Variants in NCOR1 observed in about 807,000 individuals in gnomAD.
The protein encoded by NCOR1 is protein phosphatase 1, regulatory subunit 109.
A neutral mutation model predicts 288.1 loss-of-function variants in NCOR1; 63 were observed. The observed-to-expected ratio is 0.22, with a 90% CI of 0.18 to 0.27. NCOR1 has a LOEUF of 0.27. Ranked by LOEUF, NCOR1 falls within the 10% of genes least tolerant of loss-of-function variation. NCOR1 has a pLI of 1.00. For missense variants in NCOR1, 2,397 were observed against 3,019.2 expected (o/e 0.79, Z 4.83); for synonymous variants, 1,007 against 1,065.9 (o/e 0.94, Z 1.08).
Position 16,085,899 on chromosome 17 carries a change from ATTATAATACTAACCACCTACAAT to A in NCOR1, c.3177+360_3177+382del, listed in dbSNP as rs1179415607. Among the ~76,000 whole-genome samples, 7 of 152,356 alleles carry A rather than the reference ATTATAATACTAACCACCTACAAT, an allele frequency of 4.6e-5. No individual in the cohort carries two copies. The South Asian group carries it at 6.2e-4, about 14-fold the overall frequency. The stretch of plus-strand genomic sequence containing the variant: ...GATTTAGTGGCCAAAGTCAGAATAA[ATTATAATACTAACCACCTACAAT>A]TTAATATTTTGAGCCTTTACCATAT... On this transcript the variant is annotated intron_variant, in intron 23 of 45. Coordinates refer to ENST00000268712, the MANE Select transcript of NCOR1 (RefSeq NM_006311.4).
At chr17:16,172,147 A>T in intron 3 of NCOR1, 152 bp from the exon 4 acceptor site, 1 of 553,164 alleles carries the variant, frequency 1.8e-6, no homozygotes, top group African/African-American at 1.9e-5. Context: ...ACCCCCAAAG[A>T]ATATATACCT....
chr17:16,054,070 T>TAAAAAAAAAAAAAAAA (rs752015595), intron 40 of NCOR1, among the ~76,000 whole-genome samples: 1 of 72,110 alleles, frequency 1.4e-5, no homozygotes, highest in African/African-American at 4.3e-5. Flanking sequence ...GACTTAAATG[T>TAAAAAAAAAAAAAAAA]AAAAAAAAAA....
At chr17:16,202,214 A>G (rs1600499035) in intron 1 of NCOR1, among the ~76,000 whole-genome samples, 1 of 124,212 alleles carries the variant, frequency 8.1e-6, no homozygotes, top group South Asian at 2.5e-4. Context: ...AAAGGGCGAG[A>G]CTCCATCTCA....
At chr17:16,081,098 G>A (rs981705698) in intron 23 of NCOR1, among the ~76,000 whole-genome samples, 2 of 151,740 alleles carry the variant, frequency 1.3e-5, no homozygotes, top group Non-Finnish European at 2.9e-5. Flanking sequence ...ATACAGCAAA[G>A]TAATAAGGAC....
intron 19 of NCOR1, among the ~76,000 whole-genome samples, chr17:16,108,489 T>C (rs1169767552): frequency 6.6e-6 from 1 of 152,156 alleles, no homozygotes; most frequent in Non-Finnish European, 1.5e-5. Context: ...TAACCAACTA[T>C]ACTAACTGAA....
chr17:16,064,888 A>C lies in NCOR1; in HGVS notation c.5083T>G (p.Ser1695Ala). The change falls in exon 34 of 46, where the codon TCT becomes GCT. Residue 1695 changes from serine to alanine, a missense_variant. This residue lies in a region of NCOR1 where 1,872 missense variants were observed against 2,187.8 expected (regional missense o/e 0.86). Coordinates refer to ENST00000268712, the MANE Select transcript of NCOR1 (RefSeq NM_006311.4). Reference protein sequence around the residue: ...QITFPPRPYNSASMSPGHPTH... With the variant: ...QITFPPRPYNAASMSPGHPTH... Reference sequence around the variant, plus strand: ...ATCTCACCTGGAGACATGGAAGCAGAGTTGTACGGCCTGGGAGGGAAAGTA... The same window carrying C: ...ATCTCACCTGGAGACATGGAAGCAGCGTTGTACGGCCTGGGAGGGAAAGTA... 1 of 1,612,582 alleles carries C rather than the reference A, an allele frequency of 6.2e-7. No homozygotes were observed. Among genetic ancestry groups the C allele is most frequent in the South Asian group, 1.1e-5 (1 of 90,852 alleles).
At chr17:16,089,942 T>C (rs2064911257) in intron 22 of NCOR1, among the ~76,000 whole-genome samples, 1 of 152,146 alleles carries the variant, frequency 6.6e-6, no homozygotes, top group African/African-American at 2.4e-5. Context: ...AGCATCACCT[T>C]CGACCAAACT....
chr17:16,136,264 C>T (rs1040796819), intron 14 of NCOR1, among the ~76,000 whole-genome samples: 2 of 152,152 alleles, frequency 1.3e-5, no homozygotes, highest in African/African-American at 4.8e-5. Context: ...TGGCTCACTG[C>T]AGCCTCGACT....
chr17:16,164,535 A>C (rs576464882), intron 5 of NCOR1, among the ~76,000 whole-genome samples: 151 of 152,336 alleles, frequency 9.9e-4, no homozygotes, highest in Non-Finnish European at 7.1e-4. Context: ...GATATCAAGC[A>C]AAGGCAAAAA....
At chr17:16,033,725 C>CA (rs1973078774) in intron 45 of NCOR1, among the ~76,000 whole-genome samples, 1 of 152,110 alleles carries the variant, frequency 6.6e-6, no homozygotes, top group African/African-American at 2.4e-5. Context: ...CAAATAGGCA[C>CA]AAAATAGAAA....
chr17:16,143,590 AAATTT>A lies in NCOR1; in HGVS notation c.1173+11_1173+15del. 6.3e-7 allele frequency: 1 copy of A among 1,592,068 alleles called. No homozygotes were observed. Among genetic ancestry groups the A allele is most frequent in the African/African-American group, 1.3e-5 (1 of 74,586 alleles). ...AATAATTAACGAATTAACTTGAATT[AAATTT>A]ATTTTCTTACCTCCTGCTCAGAGAG... On this transcript the variant is annotated intron_variant, in intron 11 of 45. Coordinates refer to ENST00000268712, the MANE Select transcript of NCOR1 (RefSeq NM_006311.4).
intron 4 of NCOR1, among the ~76,000 whole-genome samples, chr17:16,170,589 C>G (rs2082952662): frequency 6.6e-6 from 1 of 152,002 alleles, no homozygotes; most frequent in Non-Finnish European, 1.5e-5. Context: ...AATCCCAGCA[C>G]TTTGGGAGGC....
chr17:16,046,739 A>T lies in NCOR1; in HGVS notation c.6679+212T>A, dbSNP rs577413754. Among the ~76,000 whole-genome samples the T allele has an allele frequency of 5.9e-5, 9 of 152,292 alleles. No homozygotes were observed. In the South Asian group the frequency reaches 1.2e-3, roughly 21 times the overall value. On this transcript the variant is annotated intron_variant, in intron 42 of 45. Transcript: ENST00000268712. Reference sequence around the variant, plus strand: ...AGACACAGCATTTCTTCAAAGAGAAACGGCACAGCTTCAGAAAGGAGCGAA... The same window carrying T: ...AGACACAGCATTTCTTCAAAGAGAATCGGCACAGCTTCAGAAAGGAGCGAA...
intron 30 of NCOR1, 121 bp from the exon 31 acceptor site, chr17:16,070,646 C>G: frequency 7.4e-7 from 1 of 1,348,302 alleles, no homozygotes; most frequent in East Asian, 2.3e-5. Context: ...GGTCTGTTTA[C>G]AAATCTCAAT....
chr17:16,184,620 G>A (rs1049427715), intron 3 of NCOR1, among the ~76,000 whole-genome samples: 3 of 152,140 alleles, frequency 2.0e-5, no homozygotes, highest in African/African-American at 7.2e-5. Context: ...TGGTGGTAAC[G>A]TAAATTAGTA....
At chr17:16,072,998 G>T (rs2061945573) in intron 28 of NCOR1, among the ~76,000 whole-genome samples, 1 of 152,180 alleles carries the variant, frequency 6.6e-6, no homozygotes, top group Non-Finnish European at 1.5e-5. Context: ...AGGCTCAAAG[G>T]AATTTTACCA....
intron 19 of NCOR1, among the ~76,000 whole-genome samples, chr17:16,105,603 G>C (rs2068457090): frequency 6.6e-6 from 1 of 152,116 alleles, no homozygotes; most frequent in Non-Finnish European, 1.5e-5. Context: ...TGGTGGTAGA[G>C]ACACATGAGT....
intron 42 of NCOR1, among the ~76,000 whole-genome samples, chr17:16,045,639 G>T (rs1330143558): frequency 1.3e-5 from 2 of 152,008 alleles, no homozygotes; most frequent in Non-Finnish European, 2.9e-5. Context: ...CTCCTGAGTA[G>T]CTGGGATTAC....
At chr17:16,065,755 ACAC>A (rs1327811260) in intron 32 of NCOR1, 61 bp from the exon 33 acceptor site, 2 of 1,438,060 alleles carry the variant, frequency 1.4e-6, no homozygotes, top group Non-Finnish European at 2.0e-6. Flanking sequence ...CATTTGCTAA[ACAC>A]CACGTACAAA....
Sources: allele counts gnomAD v4.1 joint callset (sites outside exome capture counted in the v4.1 genomes callset), GRCh38; gene constraint gnomAD v4.1.1; regional missense constraint gnomAD v4.1.1; transcripts MANE v1.5; gene names NCBI Gene and HGNC (gene_info 2026-07-23, HGNC 2026-07-21).